MLLT3: variants seen among roughly 807,000 people sequenced by gnomAD.
MLLT3 encodes the protein protein AF-9.
In MLLT3, 4 loss-of-function variants were observed where a neutral mutation model predicts 53.2. The observed-to-expected ratio is 0.08, with a 90% CI of 0.04 to 0.17. MLLT3 has a LOEUF of 0.17. Among genes scored for constraint, MLLT3 ranks in the 10% least tolerant of loss-of-function variants. The pLI, the probability that MLLT3 is intolerant of heterozygous loss-of-function variation, is 1.00. For synonymous variants in MLLT3, 283 were observed against 230.6 expected (o/e 1.23, Z -2.06); for missense variants, 569 against 684.0 (o/e 0.83, Z 1.87).
At chr9:20,460,258 T>A (rs1824075130) in intron 2 of MLLT3, among the ~76,000 whole-genome samples, 1 of 152,198 alleles carries the variant, frequency 6.6e-6, no homozygotes. Context: ...TTCTTCCTCT[T>A]GATTGTTCAA....
intron 2 of MLLT3, among the ~76,000 whole-genome samples, chr9:20,479,618 T>C (rs951344082): frequency 6.6e-5 from 10 of 152,164 alleles, no homozygotes; most frequent in African/African-American, 1.9e-4. Flanking sequence ...TGGCCTGAGA[T>C]TTCAGGTGAG....
At chr9:20,610,523 C>A (rs1820674828) in intron 2 of MLLT3, among the ~76,000 whole-genome samples, 1 of 152,050 alleles carries the variant, frequency 6.6e-6, no homozygotes, top group African/African-American at 2.4e-5. Flanking sequence ...TTATAACTTA[C>A]AGGAGTGGAA....
intron 2 of MLLT3, among the ~76,000 whole-genome samples, chr9:20,569,802 T>C (rs908228689): frequency 1.3e-5 from 2 of 152,170 alleles, no homozygotes; most frequent in Admixed American, 6.6e-5. Flanking sequence ...GGAGCTAACA[T>C]ACCTATGTAT....
chr9:20,495,108 C>G (rs1437062379), intron 2 of MLLT3, among the ~76,000 whole-genome samples: 2 of 152,158 alleles, frequency 1.3e-5, no homozygotes, highest in African/African-American at 4.8e-5. Context: ...CTGCCATTAT[C>G]TTTTTGCCCT....
At chr9:20,565,678 T>C (rs1587075052) in intron 2 of MLLT3, among the ~76,000 whole-genome samples, 1 of 151,414 alleles carries the variant, frequency 6.6e-6, no homozygotes, top group Admixed American at 6.6e-5. Flanking sequence ...ATTAAATATA[T>C]TGAAACTAAT....
intron 8 of MLLT3, among the ~76,000 whole-genome samples, chr9:20,357,978 T>G (rs1563934836): frequency 7.2e-6 from 1 of 139,278 alleles, no homozygotes; most frequent in Non-Finnish European, 1.6e-5. Flanking sequence ...CCCTCCCTCC[T>G]GCGCACACAC....
intron 2 of MLLT3, among the ~76,000 whole-genome samples, chr9:20,458,972 C>T (rs1824041525): frequency 6.6e-6 from 1 of 152,140 alleles, no homozygotes; most frequent in African/African-American, 2.4e-5. Flanking sequence ...GGTCAGAAGA[C>T]TCAGGTCCAC....
In MLLT3 at chr9:20,485,715, T is replaced by C. The variant is rs188636539; in HGVS notation, c.194-28929A>G. On this transcript the variant is annotated intron_variant, in intron 2 of 10. Coordinates refer to ENST00000380338, the MANE Select transcript of MLLT3 (RefSeq NM_004529.4). The stretch of plus-strand genomic sequence containing the variant: ...TCTGCTTTAAATCACTCAATTTTAA[T>C]AAAAGAATATACACATACACATATA... Among the ~76,000 whole-genome samples, 4 of 146,158 alleles carry C rather than the reference T, an allele frequency of 2.7e-5. No individual in the cohort carries two copies. In the East Asian group the frequency reaches 8.2e-4, roughly 30 times the overall value.
intron 5 of MLLT3, among the ~76,000 whole-genome samples, chr9:20,390,696 A>C (rs1413094408): frequency 2.0e-5 from 3 of 152,250 alleles, no homozygotes; most frequent in African/African-American, 7.2e-5. Flanking sequence ...AACTTCTCCA[A>C]AATACTTACA....
chr9:20,356,381 A>C (rs1210321801), intron 8 of MLLT3, among the ~76,000 whole-genome samples: 1 of 152,148 alleles, frequency 6.6e-6, no homozygotes, highest in Non-Finnish European at 1.5e-5. Flanking sequence ...GCTCCACTGT[A>C]AAGGAAACCA....
chr9:20,417,103 G>T (rs1409129964), intron 4 of MLLT3, among the ~76,000 whole-genome samples: 1 of 150,528 alleles, frequency 6.6e-6, no homozygotes, highest in Non-Finnish European at 1.5e-5. Context: ...TAAAACAGTA[G>T]CTCAGATACA....
intron 5 of MLLT3, among the ~76,000 whole-genome samples, chr9:20,402,984 A>C (rs777349558): frequency 7.9e-5 from 12 of 152,160 alleles, no homozygotes; most frequent in Non-Finnish European, 1.6e-4. Flanking sequence ...GTAACAACTC[A>C]CTAGGAACCA....
At chr9:20,464,459 G>C (rs936178954) in intron 2 of MLLT3, among the ~76,000 whole-genome samples, 1 of 152,042 alleles carries the variant, frequency 6.6e-6, no homozygotes, top group Admixed American at 6.6e-5. Flanking sequence ...GAGACAAAGG[G>C]AGGAAGTGGA....
At chr9:20,438,723 T>G (rs1028414638) in intron 4 of MLLT3, among the ~76,000 whole-genome samples, 1 of 152,140 alleles carries the variant, frequency 6.6e-6, no homozygotes, top group Admixed American at 6.6e-5. Flanking sequence ...GCATGACATT[T>G]ATTTTTAATT....
chr9:20,520,614 A>G (rs1818033328), intron 2 of MLLT3, among the ~76,000 whole-genome samples: 1 of 152,250 alleles, frequency 6.6e-6, no homozygotes, highest in African/African-American at 2.4e-5. Flanking sequence ...ACACCGCAAT[A>G]AAAACACACA....
At chr9:20,465,448 C>G (rs535164016) in intron 2 of MLLT3, among the ~76,000 whole-genome samples, 44 of 152,186 alleles carry the variant, frequency 2.9e-4, no homozygotes, top group African/African-American at 1.0e-3. Flanking sequence ...GACCCTTTTT[C>G]TCCAAATGCA....
chr9:20,622,357 G>A lies in MLLT3; in HGVS notation c.-101C>T. The A allele has an allele frequency of 9.1e-7, 1 of 1,100,616 alleles. No homozygotes were observed. The highest frequency in any genetic ancestry group is 1.3e-6 in the Non-Finnish European group (1 of 787,390). The allele number at this position is 1,100,616 out of a possible 1,614,324, so 68.2% of individuals were successfully genotyped here. ...TGAAGAGGCTGCTATGAATGAGAGC[G>A]CGCCCAGGAGCGGAGGGTAGATGGC... On this transcript the variant is annotated 5_prime_UTR_variant, in exon 1 of 11. Coordinates refer to ENST00000380338, the MANE Select transcript of MLLT3 (RefSeq NM_004529.4).
At chr9:20,389,182 A>G (rs1459347868) in intron 5 of MLLT3, among the ~76,000 whole-genome samples, 2 of 152,238 alleles carry the variant, frequency 1.3e-5, no homozygotes, top group Non-Finnish European at 2.9e-5. Flanking sequence ...TTACTCAGAC[A>G]TAAAAACTAA....
chr9:20,483,665 T>C (rs553926510), intron 2 of MLLT3, among the ~76,000 whole-genome samples: 1 of 151,594 alleles, frequency 6.6e-6, no homozygotes, highest in East Asian at 1.9e-4. Flanking sequence ...TGACTTGATG[T>C]TACACTAACG....
Sources: gnomAD v4.1 joint callset for allele counts (sites outside exome capture counted in the v4.1 genomes callset) on GRCh38, gnomAD v4.1.1 for gene constraint, MANE v1.5 for transcripts, NCBI Gene and HGNC (gene_info 2026-07-23, HGNC 2026-07-21) for gene names.